Variants in UBE2D3 observed in about 807,000 individuals in gnomAD.
UBE2D3 encodes ubiquitin conjugating enzyme E2 D3.
In UBE2D3, 2 loss-of-function variants were observed where a neutral mutation model predicts 22.8. The ratio of observed to expected loss-of-function variants is 0.09; its 90% CI spans 0.04 to 0.28. The LOEUF (loss-of-function observed/expected upper bound fraction) is 0.28. Among genes scored for constraint, UBE2D3 ranks in the 10% least tolerant of loss-of-function variants. UBE2D3 has a pLI of 1.00. For missense variants in UBE2D3, 27 were observed against 182.5 expected (o/e 0.15, Z 4.91); for synonymous variants, 56 against 60.4 (o/e 0.93, Z 0.34).
chr4:102,863,382 G>A (rs904531619), intron 1 of UBE2D3, among the ~76,000 whole-genome samples: 1 of 152,020 alleles, frequency 6.6e-6, no homozygotes, highest in African/African-American at 2.4e-5. Context: ...CCTCTCACAG[G>A]AGCGAACAGA....
chr4:102,822,911 G>T (rs1010466107), intron 2 of UBE2D3, among the ~76,000 whole-genome samples: 1 of 150,496 alleles, frequency 6.6e-6, no homozygotes, highest in African/African-American at 2.5e-5. Context: ...ACTCCAGCCT[G>T]GGTAACACAG....
chr4:102,817,064 G>A (rs1014655442), intron 2 of UBE2D3, among the ~76,000 whole-genome samples: 7 of 152,250 alleles, frequency 4.6e-5, no homozygotes, highest in Middle Eastern at 3.4e-3. Flanking sequence ...AAATAAGCAG[G>A]CATTTACCAA....
At chr4:102,800,721 T>C (rs1174161758) in intron 6 of UBE2D3, among the ~76,000 whole-genome samples, 1 of 152,102 alleles carries the variant, frequency 6.6e-6, no homozygotes, top group East Asian at 1.9e-4. Flanking sequence ...TCTCTCTCCA[T>C]GAGATTCAAG....
chr4:102,803,385 G>A (rs1258482493), intron 4 of UBE2D3, among the ~76,000 whole-genome samples: 1 of 152,152 alleles, frequency 6.6e-6, no homozygotes, highest in African/African-American at 2.4e-5. Context: ...CATGAACTGG[G>A]TTTTTACCAA....
chr4:102,865,887 C>T (rs965874353), intron 1 of UBE2D3, among the ~76,000 whole-genome samples: 3 of 152,148 alleles, frequency 2.0e-5, no homozygotes, highest in African/African-American at 4.8e-5. Context: ...ACTGTATTTA[C>T]ATATTTATCT....
At chr4:102,820,242 T>C (rs1232844235) in intron 2 of UBE2D3, among the ~76,000 whole-genome samples, 1 of 152,220 alleles carries the variant, frequency 6.6e-6, no homozygotes, top group Non-Finnish European at 1.5e-5. Context: ...TTATTAACTT[T>C]AATGTTATGA....
chr4:102,832,888 C>T (rs1189346940), intron 1 of UBE2D3, among the ~76,000 whole-genome samples: 4 of 151,896 alleles, frequency 2.6e-5, no homozygotes, highest in Admixed American at 2.6e-4. Flanking sequence ...GTCCCAGCTG[C>T]TCTGGAAGCT....
intron 7 of UBE2D3, among the ~76,000 whole-genome samples, chr4:102,798,278 GAATATATATATAT>G (rs1464527726): frequency 2.4e-5 from 1 of 41,722 alleles, no homozygotes; most frequent in Non-Finnish European, 4.3e-5. Flanking sequence ...CTTAAGAAAT[GAATATATATATAT>G]ATATATGCAC....
intron 1 of UBE2D3, among the ~76,000 whole-genome samples, chr4:102,846,440 A>C (rs1732044723): frequency 6.6e-6 from 1 of 152,204 alleles, no homozygotes; most frequent in African/African-American, 2.4e-5. Context: ...TTCTTAGGTG[A>C]GTGCACCCAT....
chr4:102,799,622 A>C, intron 6 of UBE2D3, 122 bp from the exon 7 acceptor site: 6 of 642,566 alleles, frequency 9.3e-6, no homozygotes, highest in Non-Finnish European at 1.6e-5. Context: ...TCTTTATCTC[A>C]ATGAGACACA....
chr4:102,830,407 T>G (rs1731056939), upstream of UBE2D3, among the ~76,000 whole-genome samples: 1 of 152,220 alleles, frequency 6.6e-6, no homozygotes, highest in Admixed American at 6.5e-5. Context: ...AAGAAAAATT[T>G]ACATTTAGAA....
intron 1 of UBE2D3, among the ~76,000 whole-genome samples, chr4:102,840,232 C>G (rs1312947559): frequency 6.6e-6 from 1 of 152,220 alleles, no homozygotes; most frequent in African/African-American, 2.4e-5. Context: ...TATGATCTGT[C>G]AATCCCACTA....
intron 1 of UBE2D3, chr4:102,827,163 A>C: frequency 2.0e-6 from 2 of 986,894 alleles, no homozygotes; most frequent in Non-Finnish European, 2.4e-6. Flanking sequence ...TCCGCCTTCC[A>C]GCGCGCTCCC....
upstream of UBE2D3, chr4:102,828,219 G>A (rs923116280): frequency 1.0e-6 from 1 of 985,408 alleles, no homozygotes. Flanking sequence ...CTTGTCTCAC[G>A]CGCCCAATCA....
At chr4:102,830,008 A>T (rs1206041642), upstream of UBE2D3, among the ~76,000 whole-genome samples, 1 of 152,260 alleles carries the variant, frequency 6.6e-6, no homozygotes, top group African/African-American at 2.4e-5. Flanking sequence ...TGTAATCACA[A>T]ACTCATTATT....
At chr4:102,852,515 T>C (rs1019781756) in intron 1 of UBE2D3, among the ~76,000 whole-genome samples, 13 of 152,228 alleles carry the variant, frequency 8.5e-5, no homozygotes, top group African/African-American at 2.4e-4. Context: ...GTTTTACAGA[T>C]TGAGATCCTG....
chr4:102,799,377 A>T, intron 7 of UBE2D3, 30 bp downstream of exon 7: 4 of 1,586,176 alleles, frequency 2.5e-6, no homozygotes, highest in Non-Finnish European at 3.5e-6. Context: ...AAGTAAAACC[A>T]CTTTTATAAT....
At chr4:102,828,437 G>A (rs1169515641), upstream of UBE2D3, among the ~76,000 whole-genome samples, 1 of 152,012 alleles carries the variant, frequency 6.6e-6, no homozygotes, top group Non-Finnish European at 1.5e-5. Context: ...GCGCTCCCAC[G>A]TGCTGAAGTC....
At chr4:102,820,053 G>T (rs1300184083) in intron 2 of UBE2D3, among the ~76,000 whole-genome samples, 2 of 151,492 alleles carry the variant, frequency 1.3e-5, no homozygotes, top group Non-Finnish European at 3.0e-5. Context: ...GGGAAACAAA[G>T]GGAGTAAGTG....
Sources: gnomAD v4.1 joint callset for allele counts (sites outside exome capture counted in the v4.1 genomes callset) on GRCh38, gnomAD v4.1.1 for gene constraint, MANE v1.5 for transcripts, NCBI Gene and HGNC (gene_info 2026-07-23, HGNC 2026-07-21) for gene names.